The following KCNMA1 variants were observed in gnomAD, a reference collection of about 807,000 sequenced individuals.
KCNMA1 encodes Calcium-activated potassium channel subunit alpha-1.
In KCNMA1, 29 loss-of-function variants were observed where a neutral mutation model predicts 140.0. That is an observed-to-expected ratio of 0.21 (90% confidence interval 0.15 to 0.28). The LOEUF (loss-of-function observed/expected upper bound fraction) is 0.28. Among genes scored for constraint, KCNMA1 ranks in the 10% least tolerant of loss-of-function variants. The pLI, the probability that KCNMA1 is intolerant of heterozygous loss-of-function variation, is 1.00. For synonymous variants in KCNMA1, 612 were observed against 611.9 expected, an observed-to-expected ratio of 1.00 and a Z score of 0.00; for missense variants, 880 against 1,602.2, an observed-to-expected ratio of 0.55 and a Z score of 7.70.
At chr10:77,356,708 G>A (rs2093513758) in intron 2 of KCNMA1, among the ~76,000 whole-genome samples, 1 of 152,168 alleles carries the variant, frequency 6.6e-6, no homozygotes, top group African/African-American at 2.4e-5. Context: ...ATCTTTACCT[G>A]ACTAGCATTC....
chr10:76,955,919 G>C (rs1050682414), intron 20 of KCNMA1, among the ~76,000 whole-genome samples: 3 of 152,138 alleles, frequency 2.0e-5, no homozygotes, highest in Non-Finnish European at 4.4e-5. Flanking sequence ...TGAAGATATA[G>C]AGCCAGGTTC....
rs143683125 is a variant in KCNMA1, at chr10:77,330,862, A to G, written c.540+73000T>C. Among the ~76,000 whole-genome samples, 50 of 152,344 alleles carry G rather than the reference A, an allele frequency of 3.3e-4. 1 individual carries two copies. In the East Asian group the frequency reaches 8.7e-3, roughly 26 times the overall value. ...ACCTGTGAGGACTCAGTTTCCTCACATGTAAAATGAAAATAGTATTTTCCA... is the reference window on the plus strand; with the variant it reads ...ACCTGTGAGGACTCAGTTTCCTCACGTGTAAAATGAAAATAGTATTTTCCA... On this transcript the variant is annotated intron_variant, in intron 2 of 27. Transcript: ENST00000286628.
rs984513488 is a variant in KCNMA1, at chr10:76,885,987, G to C, written c.*1279C>G. On this transcript the variant is annotated 3_prime_UTR_variant, in exon 28 of 28. Coordinates refer to ENST00000286628, the MANE Select transcript of KCNMA1 (RefSeq NM_001161352.2). ...GCCTAAATTGGCTACATTAAAGAAAGTGATGATGAGGAATTCCTTCCCACC... is the reference window on the plus strand; with the variant it reads ...GCCTAAATTGGCTACATTAAAGAAACTGATGATGAGGAATTCCTTCCCACC... 1 of 985,360 alleles carries C rather than the reference G, an allele frequency of 1.0e-6. No homozygotes were observed. Among genetic ancestry groups the C allele is most frequent in the Non-Finnish European group, 1.2e-6 (1 of 829,958 alleles). 61.0% of individuals were successfully genotyped at this position (985,360 alleles called of 1,614,324 possible).
At chr10:76,945,538 G>C (rs1481771363) in intron 22 of KCNMA1, among the ~76,000 whole-genome samples, 1 of 152,154 alleles carries the variant, frequency 6.6e-6, no homozygotes, top group Non-Finnish European at 1.5e-5. Flanking sequence ...CAATGCAAAA[G>C]AGATATGGAA....
Position 77,467,967 on chromosome 10 carries a change from A to G in KCNMA1, c.379-63944T>C, listed in dbSNP as rs923114175. Among the ~76,000 whole-genome samples the G allele has an allele frequency of 2.0e-5, 3 of 152,236 alleles. No homozygotes were observed. In the South Asian group the frequency reaches 6.2e-4, roughly 31 times the overall value. Reference sequence around the variant, plus strand: ...GCAAATTAAGTATTATCCTTTGAATAGTACAATCATATTGTTTCCTTGTTT... The same window carrying G: ...GCAAATTAAGTATTATCCTTTGAATGGTACAATCATATTGTTTCCTTGTTT... On this transcript the variant is annotated intron_variant, in intron 1 of 27. Transcript: ENST00000286628.
At chr10:77,455,654 G>C (rs1375857344) in intron 1 of KCNMA1, among the ~76,000 whole-genome samples, 3 of 152,060 alleles carry the variant, frequency 2.0e-5, no homozygotes, top group African/African-American at 7.2e-5. Flanking sequence ...CACTACTCCC[G>C]GTTCCCCTCC....
Position 76,885,576 on chromosome 10 carries a change from T to G in KCNMA1, c.*1690A>C. 1 of 985,352 alleles carries G rather than the reference T, an allele frequency of 1.0e-6. No individual in the cohort carries two copies. The highest frequency in any genetic ancestry group is 4.7e-5 in the South Asian group (1 of 21,282). 61.0% of individuals were successfully genotyped at this position (985,352 alleles called of 1,614,324 possible). On this transcript the variant is annotated 3_prime_UTR_variant, in exon 28 of 28. Coordinates refer to ENST00000286628, the MANE Select transcript of KCNMA1 (RefSeq NM_001161352.2). ...AAACATTCACCATAAAAACACCTTT[T>G]TAGAGATGGTACAGCTGTGACATGT...
chr10:77,593,252 A>C (rs768855672), intron 1 of KCNMA1, among the ~76,000 whole-genome samples: 3 of 151,862 alleles, frequency 2.0e-5, no homozygotes, highest in Non-Finnish European at 4.4e-5. Context: ...AAAACAGCCT[A>C]CTCCCTAGGA....
At chr10:77,590,673 G>A (rs1004846409) in intron 1 of KCNMA1, among the ~76,000 whole-genome samples, 1 of 152,268 alleles carries the variant, frequency 6.6e-6, no homozygotes, top group East Asian at 1.9e-4. Context: ...CTCAAGTGCC[G>A]CCAAAGTGGG....
At chr10:77,345,608 G>C (rs1178406279) in intron 2 of KCNMA1, among the ~76,000 whole-genome samples, 1 of 152,216 alleles carries the variant, frequency 6.6e-6, no homozygotes, top group Non-Finnish European at 1.5e-5. Context: ...AAGGAAGAAA[G>C]TGTTTTTCCT....
chr10:77,037,970 G>A (rs748615845), intron 15 of KCNMA1, among the ~76,000 whole-genome samples: 5 of 152,158 alleles, frequency 3.3e-5, no homozygotes, highest in Non-Finnish European at 5.9e-5. Flanking sequence ...ACACATGGGA[G>A]TCACAATAGG....
At chr10:77,231,533 G>A (rs1160139849) in intron 3 of KCNMA1, among the ~76,000 whole-genome samples, 1 of 152,056 alleles carries the variant, frequency 6.6e-6, no homozygotes, top group African/African-American at 2.4e-5. Flanking sequence ...AATCCTCCCA[G>A]CATTTCTGCA....
intron 5 of KCNMA1, among the ~76,000 whole-genome samples, chr10:77,170,101 G>C (rs1410357879): frequency 2.6e-5 from 4 of 152,190 alleles, no homozygotes; most frequent in Admixed American, 6.5e-5. Context: ...TGAGGCAGGA[G>C]AATCACTTGA....
At chr10:77,097,859 G>A (rs1428263952) in intron 9 of KCNMA1, among the ~76,000 whole-genome samples, 3 of 152,130 alleles carry the variant, frequency 2.0e-5, no homozygotes, top group Non-Finnish European at 4.4e-5. Context: ...GAGCTGTTCT[G>A]GATGTGGCAG....
chr10:77,589,484 C>A (rs1367751449), intron 1 of KCNMA1, among the ~76,000 whole-genome samples: 1 of 152,094 alleles, frequency 6.6e-6, no homozygotes. Flanking sequence ...TTTTGAATGT[C>A]AATTAAGGAA....
chr10:77,574,340 C>T (rs1333786330), intron 1 of KCNMA1, among the ~76,000 whole-genome samples: 3 of 151,904 alleles, frequency 2.0e-5, no homozygotes, highest in Admixed American at 6.6e-5. Context: ...CATGTATATA[C>T]ACAATGTATG....
chr10:77,377,816 C>T (rs1377956720), intron 2 of KCNMA1, among the ~76,000 whole-genome samples: 1 of 152,174 alleles, frequency 6.6e-6, no homozygotes, highest in African/African-American at 2.4e-5. Flanking sequence ...CACTCTGAGC[C>T]CGAGTTCCCT....
chr10:77,079,592 G>T (rs1371386164), intron 12 of KCNMA1, 42 bp from the exon 13 acceptor site: 2 of 1,333,576 alleles, frequency 1.5e-6, no homozygotes, highest in South Asian at 2.3e-5. Context: ...TCTGCCTTAT[G>T]CATGGTGTCT....
At chr10:76,999,905 G>T (rs536745624) in intron 19 of KCNMA1, among the ~76,000 whole-genome samples, 1 of 152,080 alleles carries the variant, frequency 6.6e-6, no homozygotes, top group Non-Finnish European at 1.5e-5. Context: ...ATCATGCTTT[G>T]CACTTGAACT....
Sources: allele counts gnomAD v4.1 joint callset (sites outside exome capture counted in the v4.1 genomes callset), GRCh38; gene constraint gnomAD v4.1.1; transcripts MANE v1.5; gene names NCBI Gene and HGNC (gene_info 2026-07-23, HGNC 2026-07-21).